Variants in CNTLN observed in about 807,000 individuals in gnomAD.
CNTLN encodes the protein centlein.
Under a neutral mutation model 180.0 loss-of-function variants are expected in CNTLN, and 212 were observed. The ratio of observed to expected loss-of-function variants is 1.18; its 90% CI spans 1.05 to 1.32. The LOEUF (loss-of-function observed/expected upper bound fraction) is 1.32. Among genes scored for constraint, CNTLN ranks in the 40% most tolerant of loss-of-function variants. CNTLN has a pLI of 0.00. For synonymous variants in CNTLN, 722 were observed against 563.1 expected, an observed-to-expected ratio of 1.28 and a Z score of -3.99; for missense variants, 2,095 against 1,610.9, an observed-to-expected ratio of 1.30 and a Z score of -5.14.
chr9:17,395,060 G>A lies in CNTLN; in HGVS notation c.2606G>A (p.Ser869Asn). The A allele has an allele frequency of 6.2e-7, 1 of 1,605,762 alleles. No homozygotes were observed. The highest frequency in any genetic ancestry group is 1.3e-5 in the African/African-American group (1 of 74,896). ...AGCAAGGACGGCTGGGAGGATGTGA[G>A]TGAAAGCAGGTAAGGCTCTCATTAA... ...NLSKDGWEDV[S>N]ESSSDSEAQT... Residue 869 changes from serine to asparagine, a missense_variant, in exon 15 of 26, where the codon AGT becomes AAT. Ser to Asn is a conservative substitution (Grantham distance 46, BLOSUM62 1). Coordinates refer to ENST00000380647, the MANE Select transcript of CNTLN (RefSeq NM_017738.4).
intron 18 of CNTLN, among the ~76,000 whole-genome samples, chr9:17,435,154 T>C (rs1173846324): frequency 6.6e-6 from 1 of 152,236 alleles, no homozygotes; most frequent in African/African-American, 2.4e-5. Context: ...TTGGCTTATT[T>C]CTGCCCTGCT....
At chr9:17,269,906 T>G (rs1827809364) in intron 5 of CNTLN, among the ~76,000 whole-genome samples, 1 of 152,170 alleles carries the variant, frequency 6.6e-6, no homozygotes, top group South Asian at 2.1e-4. Flanking sequence ...TATTGTACAT[T>G]TGTTTTAAGA....
intron 19 of CNTLN, among the ~76,000 whole-genome samples, chr9:17,462,051 G>A (rs1831482578): frequency 6.6e-6 from 1 of 151,728 alleles, no homozygotes; most frequent in South Asian, 2.1e-4. Context: ...AAGTAAAGAA[G>A]GATTGAGTAT....
At chr9:17,399,833 G>A (rs1826829741) in intron 15 of CNTLN, among the ~76,000 whole-genome samples, 1 of 152,136 alleles carries the variant, frequency 6.6e-6, no homozygotes, top group South Asian at 2.1e-4. Flanking sequence ...TCAAAAGACA[G>A]AGGAACACCA....
intron 5 of CNTLN, among the ~76,000 whole-genome samples, chr9:17,270,400 G>A (rs1046279099): frequency 6.6e-6 from 1 of 151,974 alleles, no homozygotes; most frequent in Non-Finnish European, 1.5e-5. Context: ...ATCTCTTAAT[G>A]TGGTAAATTA....
chr9:17,435,411 G>A (rs760294789), intron 18 of CNTLN, among the ~76,000 whole-genome samples: 8 of 152,056 alleles, frequency 5.3e-5, no homozygotes, highest in Admixed American at 5.2e-4. Flanking sequence ...TCCAAAAACG[G>A]TACCTTTTAA....
chr9:17,216,032 C>A (rs1305078506), intron 2 of CNTLN, among the ~76,000 whole-genome samples: 1 of 152,126 alleles, frequency 6.6e-6, no homozygotes. Context: ...TGCTTTGGCT[C>A]ACATTCGGTG....
At chr9:17,252,396 CACTT>C (rs1393228604) in intron 5 of CNTLN, among the ~76,000 whole-genome samples, 6 of 151,720 alleles carry the variant, frequency 4.0e-5, no homozygotes, top group African/African-American at 1.4e-4. Context: ...GTTGTATCCT[CACTT>C]ACATCTGTTA....
At chr9:17,288,434 G>A (rs1829137099) in intron 6 of CNTLN, among the ~76,000 whole-genome samples, 5 of 142,074 alleles carry the variant, frequency 3.5e-5, no homozygotes, top group Non-Finnish European at 7.5e-5. Flanking sequence ...CCCAGTATGT[G>A]GTCAATTTTG....
At chr9:17,432,980 C>A (rs1185215576) in intron 18 of CNTLN, among the ~76,000 whole-genome samples, 2 of 134,768 alleles carry the variant, frequency 1.5e-5, no homozygotes, top group Non-Finnish European at 3.1e-5. Context: ...GAGATCATGC[C>A]ACTGCACTGC....
At chr9:17,294,226 T>C (rs1230522809) in intron 6 of CNTLN, among the ~76,000 whole-genome samples, 2 of 152,070 alleles carry the variant, frequency 1.3e-5, no homozygotes, top group Middle Eastern at 3.4e-3. Context: ...GCTTCCACAG[T>C]GTGGAAGGGG....
intron 6 of CNTLN, among the ~76,000 whole-genome samples, chr9:17,274,406 TGA>T (rs2132521746): frequency 6.6e-6 from 1 of 152,062 alleles, no homozygotes; most frequent in South Asian, 2.1e-4. Context: ...GAAAATAGTA[TGA>T]GAGAGAATAA....
the CNTLN span, among the ~76,000 whole-genome samples, chr9:17,526,206 A>ATT: frequency 6.6e-6 from 1 of 152,202 alleles, no homozygotes; most frequent in African/African-American, 2.4e-5. Context: ...AAGTGCTGGG[A>ATT]TTACAGGCGT....
At chr9:17,156,569 CA>C (rs1368279094) in intron 2 of CNTLN, among the ~76,000 whole-genome samples, 1 of 151,820 alleles carries the variant, frequency 6.6e-6, no homozygotes. Flanking sequence ...AGAGTTTCCC[CA>C]AATCTGACTT....
At chr9:17,143,954 A>G (rs1330903211) in intron 2 of CNTLN, among the ~76,000 whole-genome samples, 1 of 152,208 alleles carries the variant, frequency 6.6e-6, no homozygotes, top group African/African-American at 2.4e-5. Context: ...TCTCTATCAA[A>G]CATTTGGTAT....
chr9:17,197,365 A>G (rs914595979), intron 2 of CNTLN, among the ~76,000 whole-genome samples: 1 of 152,048 alleles, frequency 6.6e-6, no homozygotes, highest in African/African-American at 2.4e-5. Flanking sequence ...TGTCATTTTG[A>G]TTTGCATTTC....
At chr9:17,182,280 A>G (rs1448871050) in intron 2 of CNTLN, among the ~76,000 whole-genome samples, 2 of 151,812 alleles carry the variant, frequency 1.3e-5, no homozygotes, top group African/African-American at 4.8e-5. Flanking sequence ...ACTTTCGTTG[A>G]GGCTTTTTTC....
chr9:17,391,508 A>C (rs1337644700), intron 14 of CNTLN, among the ~76,000 whole-genome samples: 1 of 152,154 alleles, frequency 6.6e-6, no homozygotes, highest in African/African-American at 2.4e-5. Context: ...CCAAAGTGAC[A>C]TACTTTGGTG....
At chr9:17,260,935 T>A (rs959597032) in intron 5 of CNTLN, among the ~76,000 whole-genome samples, 1 of 151,464 alleles carries the variant, frequency 6.6e-6, no homozygotes, top group Non-Finnish European at 1.5e-5. Flanking sequence ...TAGGGGGTCT[T>A]TTCCCCATTT....
Sources: allele counts gnomAD v4.1 joint callset (sites outside exome capture counted in the v4.1 genomes callset), GRCh38; gene constraint gnomAD v4.1.1; transcripts MANE v1.5; gene names NCBI Gene and HGNC (gene_info 2026-07-23, HGNC 2026-07-21).